ELOVL5: variants seen among roughly 807,000 people sequenced by gnomAD.
ELOVL5 encodes the protein very long chain fatty acid elongase 5.
A neutral mutation model predicts 38.6 loss-of-function variants in ELOVL5; 8 were observed. The observed-to-expected ratio is 0.21, with a 90% CI of 0.12 to 0.37. The LOEUF is 0.37. Ranked by LOEUF, ELOVL5 falls within the 10% of genes least tolerant of loss-of-function variation. The pLI is 1.00. For synonymous variants in ELOVL5, 127 were observed against 133.7 expected (o/e 0.95, Z 0.34); for missense variants, 280 against 367.8 (o/e 0.76, Z 1.95).
intron 1 of ELOVL5, among the ~76,000 whole-genome samples, chr6:53,318,112 C>T (rs1768133743): frequency 6.6e-6 from 1 of 152,198 alleles, no homozygotes; most frequent in Admixed American, 6.5e-5. Context: ...CAACTGACTC[C>T]AGAGCCTACT....
At chr6:53,301,219 G>A (rs1300774210) in intron 1 of ELOVL5, among the ~76,000 whole-genome samples, 1 of 152,132 alleles carries the variant, frequency 6.6e-6, no homozygotes, top group African/African-American at 2.4e-5. Context: ...CCTCACTGGT[G>A]CGGTTTCCTA....
chr6:53,295,876 C>G (rs1033362533), intron 1 of ELOVL5, among the ~76,000 whole-genome samples, 169 bp from the exon 2 acceptor site: 2 of 152,130 alleles, frequency 1.3e-5, no homozygotes, highest in African/African-American at 4.8e-5. Flanking sequence ...TGTGCTAGAT[C>G]TAACTTGAAG....
chr6:53,274,278 T>A (rs191708662), intron 5 of ELOVL5, among the ~76,000 whole-genome samples: 171 of 152,200 alleles, frequency 1.1e-3, no homozygotes, highest in South Asian at 2.1e-3. Context: ...CCCACCTTTC[T>A]GTGGTCTTAG....
intron 3 of ELOVL5, among the ~76,000 whole-genome samples, chr6:53,281,131 A>G (rs1749809567): frequency 6.6e-6 from 1 of 152,196 alleles, no homozygotes; most frequent in South Asian, 2.1e-4. Context: ...GAGCAACAAG[A>G]TAACCCCTTT....
chr6:53,277,891 G>A (rs979541371), intron 3 of ELOVL5: 2 of 152,224 alleles, frequency 1.3e-5, no homozygotes, highest in Admixed American at 1.3e-4. Context: ...CCCCAGGAGG[G>A]AACCAAGGAA....
intron 3 of ELOVL5, among the ~76,000 whole-genome samples, chr6:53,287,222 T>C (rs866871794): frequency 2.6e-5 from 4 of 152,214 alleles, no homozygotes; most frequent in Non-Finnish European, 4.4e-5. Flanking sequence ...ATTCACAACA[T>C]ATAGTTCTAA....
intron 1 of ELOVL5, among the ~76,000 whole-genome samples, chr6:53,314,646 T>C (rs1177401971): frequency 1.3e-5 from 2 of 151,966 alleles, no homozygotes; most frequent in African/African-American, 4.8e-5. Flanking sequence ...CCTCCAGTCA[T>C]GACCCATATT....
chr6:53,305,612 C>G (rs1767496176), intron 1 of ELOVL5, among the ~76,000 whole-genome samples: 1 of 149,876 alleles, frequency 6.7e-6, no homozygotes, highest in African/African-American at 2.5e-5. Flanking sequence ...GATGGGCGGC[C>G]GGGCAGAGAC....
In ELOVL5 at chr6:53,346,076, G is replaced by C. The variant is rs566732957; in HGVS notation, c.-9+2741C>G. ...TCCCTCCCCTTGCCCCCCACCACCC[G>C]ATAGGCCCGGGTGTGTGATGTTTCC... On this transcript the variant is annotated intron_variant, in intron 1 of 7. Coordinates refer to ENST00000304434, the MANE Select transcript of ELOVL5 (RefSeq NM_021814.5). Among the ~76,000 whole-genome samples, 6 of 152,092 alleles carry C rather than the reference G, an allele frequency of 3.9e-5. No individual in the cohort carries two copies. The South Asian group carries it at 8.3e-4, about 21-fold the overall frequency.
At chr6:53,314,788 A>AT (rs1181101177) in intron 1 of ELOVL5, among the ~76,000 whole-genome samples, 2 of 152,250 alleles carry the variant, frequency 1.3e-5, no homozygotes, top group African/African-American at 4.8e-5. Flanking sequence ...GAAAGGCAAG[A>AT]ACATTTTACT....
chr6:53,340,995 T>C (rs187977373), intron 1 of ELOVL5, among the ~76,000 whole-genome samples: 145 of 152,282 alleles, frequency 9.5e-4, no homozygotes, highest in African/African-American at 3.3e-3. Context: ...AGGAAACCAA[T>C]GCTGGATGCC....
At chr6:53,291,342 C>T (rs373740046) in intron 3 of ELOVL5, among the ~76,000 whole-genome samples, 3 of 152,198 alleles carry the variant, frequency 2.0e-5, no homozygotes, top group African/African-American at 4.8e-5. Flanking sequence ...TGATGTGCCA[C>T]AAAACATACC....
chr6:53,269,201 C>A lies in ELOVL5; in HGVS notation c.826G>T (p.Ala276Ser), dbSNP rs1267940969. 1.2e-6 allele frequency: 2 copies of A among 1,613,974 alleles called. No individual in the cohort carries two copies. Among genetic ancestry groups the A allele is most frequent in the Admixed American group, 1.7e-5 (1 of 60,014 alleles). ...AAGCTGTTGGTGTGTCCATTCACAG[C>A]AGCCATGGACCCATTCTGGTGGTCC... is the stretch of plus-strand genomic sequence containing the variant. ...LKDHQNGSMA[A>S]VNGHTNSFSP... Residue 276 changes from alanine to serine, a missense_variant, in exon 8 of 8, where the codon GCT (alanine) becomes TCT (serine). By Grantham distance (99) the Ala-to-Ser change is moderately conservative. Transcript: ENST00000304434.
chr6:53,339,799 T>C (rs1769248214), intron 1 of ELOVL5, among the ~76,000 whole-genome samples: 1 of 152,198 alleles, frequency 6.6e-6, no homozygotes, highest in Non-Finnish European at 1.5e-5. Context: ...TTATCATTAA[T>C]TGAGTGTACA....
rs777009170 is a variant in ELOVL5, at chr6:53,269,090, C to A, written c.*37G>T. ...GCACAACTCATATTGTGCTTACAAT[C>A]AGATGACGTGGTTTGGAGGGTTTCA... On this transcript the variant is annotated 3_prime_UTR_variant, in exon 8 of 8. Coordinates refer to ENST00000304434, the MANE Select transcript of ELOVL5 (RefSeq NM_021814.5). The A allele has an allele frequency of 1.9e-5, 31 of 1,606,540 alleles. No homozygotes were observed. The highest frequency in any genetic ancestry group is 2.5e-5 in the Non-Finnish European group (29 of 1,176,450).
Position 53,287,828 on chromosome 6 carries a change from G to A in ELOVL5, c.246+3948C>T, listed in dbSNP as rs553963950. ...ATCCTTTCAACACAGTGTTCCTGGG[G>A]AATTCAAAGCCATGTGCACTGCACA... On this transcript the variant is annotated intron_variant, in intron 3 of 7. Transcript: ENST00000304434. 1.3e-5 allele frequency: 20 copies of A among 1,516,498 alleles called. No individual in the cohort carries two copies. The South Asian group carries it at 2.2e-4, about 16-fold the overall frequency. 93.9% of individuals were successfully genotyped at this position (1,516,498 alleles called of 1,614,324 possible).
chr6:53,275,300 C>T (rs376353781), intron 4 of ELOVL5, 39 bp from the exon 5 acceptor site: 57 of 1,596,120 alleles, frequency 3.6e-5, no homozygotes, highest in African/African-American at 4.0e-5. Flanking sequence ...CTTATCCTCA[C>T]GGCTTCTCTG....
chr6:53,318,012 A>C (rs1043275838), intron 1 of ELOVL5, among the ~76,000 whole-genome samples: 4 of 152,068 alleles, frequency 2.6e-5, no homozygotes, highest in African/African-American at 9.7e-5. Flanking sequence ...TTACAAGGAT[A>C]ATCTCAGTCC....
intron 1 of ELOVL5, among the ~76,000 whole-genome samples, chr6:53,323,869 C>T (rs1294237581): frequency 6.6e-6 from 1 of 152,164 alleles, no homozygotes; most frequent in Admixed American, 6.5e-5. Flanking sequence ...CCACCGCACC[C>T]GGCCCAATAT....
Sources: allele counts gnomAD v4.1 joint callset (sites outside exome capture counted in the v4.1 genomes callset), GRCh38; gene constraint gnomAD v4.1.1; transcripts MANE v1.5; gene names NCBI Gene and HGNC (gene_info 2026-07-23, HGNC 2026-07-21).